Variants in ADGRV1 observed in about 807,000 individuals in gnomAD.
ADGRV1 encodes G-protein coupled receptor 98.
A neutral mutation model predicts 596.2 loss-of-function variants in ADGRV1; 359 were observed. That is an observed-to-expected ratio of 0.60 (90% CI 0.55 to 0.66). ADGRV1 has a LOEUF of 0.66. ADGRV1 is among the 30% of genes least tolerant of loss of function. The pLI is 0.00. For missense variants in ADGRV1, 7,274 were observed against 7,575.6 expected (o/e 0.96, Z 1.48); for synonymous variants, 2,681 against 2,679.2 (o/e 1.00, Z -0.02).
intron 84 of ADGRV1, among the ~76,000 whole-genome samples, chr5:90,970,503 C>T (rs975658255): frequency 4.0e-5 from 6 of 151,064 alleles, no homozygotes; most frequent in Non-Finnish European, 5.9e-5. Flanking sequence ...CCTCACATGG[C>T]CGGGTACCCC....
intron 85 of ADGRV1, among the ~76,000 whole-genome samples, chr5:91,001,517 C>A (rs1781855393): frequency 6.6e-6 from 1 of 151,914 alleles, no homozygotes; most frequent in African/African-American, 2.4e-5. Flanking sequence ...TTTAGGCATA[C>A]TCTTATTTAT....
intron 1 of ADGRV1, among the ~76,000 whole-genome samples, chr5:90,604,044 A>C (rs1385934052): frequency 6.6e-6 from 1 of 151,770 alleles, no homozygotes; most frequent in Non-Finnish European, 1.5e-5. Context: ...ATAGGAGAGC[A>C]AATTCTCTGT....
chr5:91,015,466 T>C (rs921847204), intron 85 of ADGRV1, among the ~76,000 whole-genome samples: 3 of 152,094 alleles, frequency 2.0e-5, no homozygotes, highest in African/African-American at 7.2e-5. Context: ...GTCTATCTAA[T>C]ACTGTCAGTG....
At chr5:90,840,428 G>C (rs1765326619) in intron 77 of ADGRV1, 150 bp from the exon 78 acceptor site, 1 of 594,210 alleles carries the variant, frequency 1.7e-6, no homozygotes, top group Non-Finnish European at 2.9e-6. Flanking sequence ...ATTATGAAAA[G>C]TATAAAACCC....
chr5:90,841,630 A>C (rs955033787), intron 78 of ADGRV1, among the ~76,000 whole-genome samples: 1 of 152,030 alleles, frequency 6.6e-6, no homozygotes. Flanking sequence ...CTATAAAGTT[A>C]TTACTTAAAA....
intron 70 of ADGRV1, among the ~76,000 whole-genome samples, chr5:90,797,054 C>T (rs116564478): frequency 6.6e-6 from 1 of 151,730 alleles, no homozygotes; most frequent in African/African-American, 2.4e-5. Flanking sequence ...TATGAAGAAG[C>T]TGCACCAACT....
At chr5:90,884,022 A>G (rs1282588211) in intron 83 of ADGRV1, among the ~76,000 whole-genome samples, 1 of 152,170 alleles carries the variant, frequency 6.6e-6, no homozygotes, top group Non-Finnish European at 1.5e-5. Context: ...TAGGAATCAC[A>G]TTCATAGAAC....
chr5:90,808,097 T>A (rs569684443), intron 73 of ADGRV1, among the ~76,000 whole-genome samples: 1 of 152,350 alleles, frequency 6.6e-6, no homozygotes, highest in South Asian at 2.1e-4. Flanking sequence ...TAAGTAAGAA[T>A]AAGACATCAC....
chr5:90,789,718 A>G lies in ADGRV1; in HGVS notation c.13910A>G (p.Asp4637Gly). The G allele has an allele frequency of 6.4e-7, 1 of 1,553,602 alleles. No individual in the cohort carries two copies. The highest frequency in any genetic ancestry group is 8.7e-7 in the Non-Finnish European group (1 of 1,145,116). ...ATTTTTTAGATACAAGAGTTTGGTG[A>G]CCCAAATGGAGTTGTTCAGTTTGCT... is the stretch of plus-strand genomic sequence containing the variant. ...DVTLTIQEFGDPNGVVQFAPE... is the reference protein window; with the variant it reads ...DVTLTIQEFGGPNGVVQFAPE... The change falls in exon 69 of 90, where the codon GAC becomes GGC. Residue 4637 changes from aspartate to glycine, a missense_variant. Asp to Gly is a moderately conservative substitution (Grantham distance 94, BLOSUM62 -1). Transcript: ENST00000405460.
chr5:90,866,948 G>A (rs1005795236), intron 83 of ADGRV1, among the ~76,000 whole-genome samples: 1 of 152,092 alleles, frequency 6.6e-6, no homozygotes, highest in Non-Finnish European at 1.5e-5. Flanking sequence ...ACAAGAAATT[G>A]TGGGGCTCTT....
Position 90,778,884 on chromosome 5 carries a change from G to T in ADGRV1, c.12869G>T (p.Arg4290Leu). Residue 4290 changes from arginine (R) to leucine (L), a missense_variant, in exon 64 of 90, where the codon CGT becomes CTT. This residue lies in a region of ADGRV1 where 3,643 missense variants were observed against 3,809.2 expected (regional missense o/e 0.96). Coordinates refer to ENST00000405460, the MANE Select transcript of ADGRV1 (RefSeq NM_032119.4). ...GCATAGGTTAACATCACAATCATCC[G>T]TTCCAGTGGAGATTTTGGCCATGTG... The part of the protein sequence containing the change: ...EAQRVNITII[R>L]SSGDFGHVRL... 6.2e-7 allele frequency: 1 copy of T among 1,612,388 alleles called. No individual in the cohort carries two copies.
intron 1 of ADGRV1, among the ~76,000 whole-genome samples, chr5:90,568,222 A>T: frequency 6.7e-6 from 1 of 149,706 alleles, no homozygotes; most frequent in African/African-American, 2.5e-5. Flanking sequence ...TTTATTTGAG[A>T]TCTTTCCTTT....
chr5:90,946,195 C>T (rs1237475756), intron 83 of ADGRV1, among the ~76,000 whole-genome samples: 1 of 151,816 alleles, frequency 6.6e-6, no homozygotes, highest in African/African-American at 2.4e-5. Flanking sequence ...TTGGTTTGTT[C>T]AAGAAAATGA....
intron 75 of ADGRV1, among the ~76,000 whole-genome samples, chr5:90,819,896 A>G (rs551269226): frequency 4.2e-4 from 64 of 152,016 alleles, no homozygotes; most frequent in African/African-American, 1.4e-3. Context: ...TATTCTGTTG[A>G]TTTGGGGTGG....
At chr5:90,625,085 T>G in intron 5 of ADGRV1, 45 bp from the exon 6 acceptor site, 1 of 1,113,012 alleles carries the variant, frequency 9.0e-7, no homozygotes, top group Non-Finnish European at 1.3e-6. Flanking sequence ...CTCAGTCTTG[T>G]GAAGTATTTT....
intron 67 of ADGRV1, among the ~76,000 whole-genome samples, chr5:90,785,662 C>T (rs982308007): frequency 6.6e-6 from 1 of 152,106 alleles, no homozygotes; most frequent in Non-Finnish European, 1.5e-5. Flanking sequence ...TGCCGTCATC[C>T]CTGGTCATCA....
intron 67 of ADGRV1, 117 bp from the exon 68 acceptor site, chr5:90,787,954 C>A: frequency 4.8e-6 from 3 of 621,726 alleles, no homozygotes; most frequent in Non-Finnish European, 5.1e-6. Context: ...ATGGAATTAT[C>A]CTAGAATAAT....
At chr5:90,807,154 A>T (rs1186387305) in intron 72 of ADGRV1, among the ~76,000 whole-genome samples, 3 of 152,094 alleles carry the variant, frequency 2.0e-5, no homozygotes, top group Non-Finnish European at 2.9e-5. Context: ...CCTGGCCTTG[A>T]CTAGATTTAA....
At chr5:90,670,351 A>T (rs1772273219) in intron 21 of ADGRV1, among the ~76,000 whole-genome samples, 1 of 152,222 alleles carries the variant, frequency 6.6e-6, no homozygotes, top group South Asian at 2.1e-4. Flanking sequence ...CTGTCCACTT[A>T]GCCATTTATC....
Sources: allele counts gnomAD v4.1 joint callset (sites outside exome capture counted in the v4.1 genomes callset), GRCh38; gene constraint gnomAD v4.1.1; regional missense constraint gnomAD v4.1.1; transcripts MANE v1.5; gene names NCBI Gene and HGNC (gene_info 2026-07-23, HGNC 2026-07-21).